DLG2: variants seen among roughly 807,000 people sequenced by gnomAD.
DLG2 encodes the protein discs large MAGUK scaffold protein 2.
Under a neutral mutation model 132.5 loss-of-function variants are expected in DLG2, and 45 were observed. The ratio of observed to expected loss-of-function variants is 0.34; its 90% CI spans 0.27 to 0.44. The LOEUF is 0.44. Among genes scored for constraint, DLG2 ranks in the 20% least tolerant of loss-of-function variants. The pLI is 1.00. For missense variants in DLG2, 1,045 were observed against 1,196.9 expected, an observed-to-expected ratio of 0.87 and a Z score of 1.87; for synonymous variants, 424 against 419.6, an observed-to-expected ratio of 1.01 and a Z score of -0.13.
chr11:84,335,033 T>C (rs1037372196), intron 7 of DLG2, among the ~76,000 whole-genome samples: 1 of 151,910 alleles, frequency 6.6e-6, no homozygotes, highest in Non-Finnish European at 1.5e-5. Flanking sequence ...ATTTGCAGCC[T>C]CAAAAATATA....
intron 19 of DLG2, among the ~76,000 whole-genome samples, chr11:83,624,255 C>T (rs1040217828): frequency 7.2e-5 from 11 of 152,070 alleles, no homozygotes; most frequent in African/African-American, 2.4e-4. Flanking sequence ...TGGAGGAAAA[C>T]GTGATGGTCA....
chr11:84,381,402 A>C (rs1249037786), intron 7 of DLG2, among the ~76,000 whole-genome samples: 1 of 152,130 alleles, frequency 6.6e-6, no homozygotes, highest in Non-Finnish European at 1.5e-5. Context: ...TACTAAAATT[A>C]GGCAATCTCA....
chr11:85,571,448 T>C (rs2077838325), intron 3 of DLG2, among the ~76,000 whole-genome samples: 1 of 152,140 alleles, frequency 6.6e-6, no homozygotes, highest in East Asian at 1.9e-4. Flanking sequence ...TCCTCCTGTC[T>C]TTGCAGAAAA....
intron 7 of DLG2, among the ~76,000 whole-genome samples, chr11:84,275,553 C>T (rs1340247884): frequency 2.0e-5 from 3 of 152,278 alleles, no homozygotes; most frequent in South Asian, 2.1e-4. Context: ...GATGGTGTTT[C>T]GCCATGTTAG....
intron 19 of DLG2, among the ~76,000 whole-genome samples, chr11:83,550,832 C>G (rs1295677864): frequency 2.0e-5 from 3 of 152,076 alleles, no homozygotes; most frequent in Non-Finnish European, 4.4e-5. Context: ...TGATTACAGT[C>G]TTTTATTTCT....
At chr11:85,356,375 T>G (rs2083692047) in intron 3 of DLG2, among the ~76,000 whole-genome samples, 1 of 152,150 alleles carries the variant, frequency 6.6e-6, no homozygotes, top group African/African-American at 2.4e-5. Flanking sequence ...TCCTTTTTTT[T>G]TTACATAATG....
At chr11:85,553,154 C>T (rs1056699077) in intron 3 of DLG2, among the ~76,000 whole-genome samples, 1 of 151,402 alleles carries the variant, frequency 6.6e-6, no homozygotes, top group African/African-American at 2.4e-5. Context: ...ACAAAACAGA[C>T]AAAAATTCTT....
chr11:83,796,461 A>C (rs2042852956), intron 17 of DLG2, among the ~76,000 whole-genome samples: 1 of 152,048 alleles, frequency 6.6e-6, no homozygotes, highest in Non-Finnish European at 1.5e-5. Context: ...GAGTGATCCC[A>C]CTCCCTTCCG....
At chr11:84,917,223 C>A (rs894907631) in intron 6 of DLG2, among the ~76,000 whole-genome samples, 1 of 152,036 alleles carries the variant, frequency 6.6e-6, no homozygotes, top group Non-Finnish European at 1.5e-5. Flanking sequence ...GAAGGATGAA[C>A]GCAGAATACA....
rs536481176 is a variant in DLG2, at chr11:83,618,420, G to T, written c.1940+14791C>A. Among the ~76,000 whole-genome samples the T allele has an allele frequency of 2.0e-5, 3 of 152,254 alleles. No homozygotes were observed. In the East Asian group the frequency reaches 5.8e-4, roughly 29 times the overall value. Reference sequence around the variant, plus strand: ...CACGGTGATGTTAACATTGTAAAAAGCTAGGAAGTACCCTCTCTTTTCTAA... The same window carrying T: ...CACGGTGATGTTAACATTGTAAAAATCTAGGAAGTACCCTCTCTTTTCTAA... On this transcript the variant is annotated intron_variant, in intron 19 of 27. Coordinates refer to ENST00000376104, the MANE Select transcript of DLG2 (RefSeq NM_001142699.3).
chr11:85,474,936 C>T (rs2153081352), intron 3 of DLG2, among the ~76,000 whole-genome samples: 2 of 150,994 alleles, frequency 1.3e-5, no homozygotes, highest in East Asian at 3.9e-4. Flanking sequence ...AAGCAAAGTT[C>T]CTAATTTAAA....
chr11:84,824,115 A>G (rs1325336446), intron 6 of DLG2, among the ~76,000 whole-genome samples: 1 of 151,888 alleles, frequency 6.6e-6, no homozygotes, highest in East Asian at 1.9e-4. Context: ...CCTCTCACCA[A>G]TAGCAAATCT....
Position 84,292,554 on chromosome 11 carries a change from C to T in DLG2, c.520-41263G>A, listed in dbSNP as rs2098018243. 2.6e-5 allele frequency among the ~76,000 whole-genome samples: 4 copies of T among 152,282 alleles called. No homozygotes were observed. The South Asian group carries it at 6.2e-4, about 24-fold the overall frequency. On this transcript the variant is annotated intron_variant, in intron 7 of 27. Transcript: ENST00000376104. ...GTTAGCAAGCCCTTTGGCTGCCTAC[C>T]ATAGCCAATTCTTCCAAGCTAGCTT...
At chr11:85,358,834 A>G (rs1347417652) in intron 3 of DLG2, among the ~76,000 whole-genome samples, 1 of 152,214 alleles carries the variant, frequency 6.6e-6, no homozygotes, top group East Asian at 1.9e-4. Flanking sequence ...TTATAAGACA[A>G]TGGTAGATTT....
chr11:83,937,734 C>T (rs192506875), intron 14 of DLG2, among the ~76,000 whole-genome samples: 95 of 152,138 alleles, frequency 6.2e-4, no homozygotes, highest in Middle Eastern at 3.4e-3. Flanking sequence ...AATAACCTCA[C>T]TAGGAATAAA....
intron 7 of DLG2, among the ~76,000 whole-genome samples, chr11:84,390,866 T>G (rs2098790251): frequency 6.6e-6 from 1 of 152,172 alleles, no homozygotes; most frequent in Non-Finnish European, 1.5e-5. Flanking sequence ...CAGATGCTGG[T>G]GCGGCAGCAG....
At chr11:83,758,569 T>C (rs1294868767) in intron 18 of DLG2, among the ~76,000 whole-genome samples, 1 of 152,196 alleles carries the variant, frequency 6.6e-6, no homozygotes, top group Admixed American at 6.5e-5. Flanking sequence ...CTGGGTAATC[T>C]AGAGTAGATT....
At chr11:83,773,357 T>G (rs1315697922) in intron 18 of DLG2, among the ~76,000 whole-genome samples, 1 of 152,258 alleles carries the variant, frequency 6.6e-6, no homozygotes, top group Non-Finnish European at 1.5e-5. Flanking sequence ...CTTTGTAAAC[T>G]GCAAAGTCTT....
At chr11:84,322,494 G>A (rs1051657381) in intron 7 of DLG2, among the ~76,000 whole-genome samples, 1 of 152,082 alleles carries the variant, frequency 6.6e-6, no homozygotes, top group Non-Finnish European at 1.5e-5. Context: ...AGTTCCCTAA[G>A]TCAAAAGCCA....
Sources: allele counts gnomAD v4.1 joint callset (sites outside exome capture counted in the v4.1 genomes callset), GRCh38; gene constraint gnomAD v4.1.1; transcripts MANE v1.5; gene names NCBI Gene and HGNC (gene_info 2026-07-23, HGNC 2026-07-21).